Variants in MXD1 observed in about 807,000 individuals in gnomAD.
MXD1 encodes the protein MAX-binding protein.
A neutral mutation model predicts 25.7 loss-of-function variants in MXD1; 9 were observed. The observed-to-expected ratio is 0.35, with a 90% CI of 0.21 to 0.61. MXD1 has a LOEUF of 0.61. MXD1 is among the 20% of genes least tolerant of loss of function. The pLI, the probability that MXD1 is intolerant of heterozygous loss-of-function variation, is 0.75. For missense variants in MXD1, 227 were observed against 292.4 expected (o/e 0.78, Z 1.63); for synonymous variants, 99 against 113.9 (o/e 0.87, Z 0.83).
chr2:69,929,107 G>A (rs1677225801), intron 3 of MXD1, among the ~76,000 whole-genome samples: 1 of 152,274 alleles, frequency 6.6e-6, no homozygotes, highest in South Asian at 2.1e-4. Context: ...TGCCTAGGCT[G>A]GTCTCAAACT....
At chr2:69,926,197 A>C (rs1011023252) in intron 3 of MXD1, among the ~76,000 whole-genome samples, 1 of 152,208 alleles carries the variant, frequency 6.6e-6, no homozygotes. Flanking sequence ...GCTATACAGA[A>C]TCAGTCTTCC....
chr2:69,933,215 A>AC (rs947125865), intron 3 of MXD1, among the ~76,000 whole-genome samples: 6 of 149,864 alleles, frequency 4.0e-5, no homozygotes, highest in Non-Finnish European at 8.9e-5. Flanking sequence ...AAAAAAAAAA[A>AC]AAAAAAAAAC....
At position 69,942,924 on chromosome 2, in the gene MXD1, A is replaced by C. The variant is rs1573415289; in HGVS notation, c.*4640A>C. 1 of 152,284 alleles carries C rather than the reference A, an allele frequency of 6.6e-6. No individual in the cohort carries two copies. Among genetic ancestry groups the C allele is most frequent in the East Asian group, 1.9e-4 (1 of 5,192 alleles). The allele number at this position is 152,284 out of a possible 1,614,324, so 9.4% of individuals were successfully genotyped here. ...ATTGTTCAACTGTTAACAAATAATA[A>C]ATTATTTCATTATTAAAGAAATTTT... On this transcript the variant is annotated 3_prime_UTR_variant, in exon 6 of 6. Transcript: ENST00000264444.
At chr2:69,931,047 T>G (rs1014895526) in intron 3 of MXD1, among the ~76,000 whole-genome samples, 3 of 152,176 alleles carry the variant, frequency 2.0e-5, no homozygotes, top group African/African-American at 7.2e-5. Flanking sequence ...CATTTTTAAT[T>G]TTTGTGGGTA....
rs1677601535 is a variant in MXD1 at position 69,941,610 on chromosome 2, A to G, written c.*3326A>G. ...TTTTTTAAGGTGGGCATTTTCCTTT[A>G]ACCTCTACTTTTTCAAAAGCAACAA... On this transcript the variant is annotated 3_prime_UTR_variant, in exon 6 of 6. Transcript: ENST00000264444. The G allele has an allele frequency of 6.6e-6, 1 of 152,092 alleles. No individual in the cohort carries two copies. Among genetic ancestry groups the G allele is most frequent in the African/African-American group, 2.4e-5 (1 of 41,392 alleles). 9.4% of individuals were successfully genotyped at this position (152,092 alleles called of 1,614,324 possible). A position where few individuals can be genotyped will look rare whatever the true frequency, so the allele number is the denominator to read the frequency against.
At position 69,939,143 on chromosome 2, in the gene MXD1, T is replaced by TCC. The variant is rs553063257; in HGVS notation, c.*859_*860insCC. 6.6e-6 allele frequency: 1 copy of TCC among 150,850 alleles called. No homozygotes were observed. The highest frequency in any genetic ancestry group is 2.5e-5 in the African/African-American group (1 of 40,758). The allele number at this position is 150,850 out of a possible 1,614,324, so 9.3% of individuals were successfully genotyped here. A position where few individuals can be genotyped will look rare whatever the true frequency, so the allele number is the denominator to read the frequency against. ...CACTTAACACAGTGATTATCCTTTT[T>TCC]TCCCCCCCCAAAATAGTGACATTTG... On this transcript the variant is annotated 3_prime_UTR_variant, in exon 6 of 6. Coordinates refer to ENST00000264444, the MANE Select transcript of MXD1 (RefSeq NM_002357.4).
At chr2:69,922,630 A>G (rs1043539168) in intron 3 of MXD1, among the ~76,000 whole-genome samples, 2 of 152,202 alleles carry the variant, frequency 1.3e-5, no homozygotes. Context: ...CTGTAATCCC[A>G]GCACTTTGGG....
chr2:69,919,496 GA>G (rs1215500758), intron 2 of MXD1, among the ~76,000 whole-genome samples: 1 of 150,934 alleles, frequency 6.6e-6, no homozygotes, highest in Non-Finnish European at 1.5e-5. Flanking sequence ...AGGCGTATGT[GA>G]CCATGCCTGG....
chr2:69,917,869 G>A (rs1403391571), intron 2 of MXD1, among the ~76,000 whole-genome samples: 3 of 151,406 alleles, frequency 2.0e-5, no homozygotes, highest in Non-Finnish European at 2.9e-5. Flanking sequence ...CTGTTAATGG[G>A]TTGGTTTGCT....
At chr2:69,924,643 C>T (rs933328991) in intron 3 of MXD1, among the ~76,000 whole-genome samples, 1 of 152,072 alleles carries the variant, frequency 6.6e-6, no homozygotes, top group Non-Finnish European at 1.5e-5. Flanking sequence ...TGCTAATATA[C>T]TTTAGCCATT....
chr2:69,936,846 T>C (rs1341886719), intron 4 of MXD1, among the ~76,000 whole-genome samples: 1 of 152,186 alleles, frequency 6.6e-6, no homozygotes, highest in Non-Finnish European at 1.5e-5. Flanking sequence ...GAAGCGTGTT[T>C]CTTAAGCTCC....
In MXD1 at chr2:69,915,780, G is replaced by A. The variant is rs1446458418; in HGVS notation, c.74-341G>A. The stretch of plus-strand genomic sequence containing the variant: ...AGAGGAGCAGCGCCTCCCGGTCCCC[G>A]GCTCACGGTGCTTGCCCCGCACCTT... On this transcript the variant is annotated intron_variant, in intron 1 of 5. Transcript: ENST00000264444. This position sits in a 1 kb window ranked among gnomAD's most constrained non-coding sequence, Gnocchi z 5.8. Among the ~76,000 whole-genome samples the A allele has an allele frequency of 6.6e-6, 1 of 152,208 alleles. No homozygotes were observed. The highest frequency in any genetic ancestry group is 2.4e-5 in the African/African-American group (1 of 41,462).
At chr2:69,917,111 C>T (rs1443601427) in intron 2 of MXD1, among the ~76,000 whole-genome samples, 1 of 152,232 alleles carries the variant, frequency 6.6e-6, no homozygotes, top group African/African-American at 2.4e-5. Context: ...ATCCCTCCCT[C>T]ACCCTCATGA....
chr2:69,926,047 G>T lies in MXD1; in HGVS notation c.203+4282G>T, dbSNP rs1348591651. 2.0e-5 allele frequency among the ~76,000 whole-genome samples: 3 copies of T among 152,062 alleles called. No homozygotes were observed. The East Asian group carries it at 5.8e-4, about 29-fold the overall frequency. On this transcript the variant is annotated intron_variant, in intron 3 of 5. Coordinates refer to ENST00000264444, the MANE Select transcript of MXD1 (RefSeq NM_002357.4). The stretch of plus-strand genomic sequence containing the variant: ...CTCTGTGTGTCTCTTTGTGTGAATT[G>T]TCTATTAAATAGCCTTTGCCCAATT...
chr2:69,926,404 G>A (rs1677172512), intron 3 of MXD1, among the ~76,000 whole-genome samples: 1 of 149,256 alleles, frequency 6.7e-6, no homozygotes, highest in Admixed American at 6.7e-5. Flanking sequence ...ATTTTAATCT[G>A]TGAATTCCCC....
At position 69,940,074 on chromosome 2, in the gene MXD1, C is replaced by G. The variant is rs1677559764; in HGVS notation, c.*1790C>G. ...AATGATTCCAAAGTCACCTGTAATT[C>G]TTCTGTTTTTGTTTTGTTCTGTCTT... On this transcript the variant is annotated 3_prime_UTR_variant, in exon 6 of 6. Transcript: ENST00000264444. 1 of 113,898 alleles carries G rather than the reference C, an allele frequency of 8.8e-6. No homozygotes were observed. The highest frequency in any genetic ancestry group is 3.5e-5 in the African/African-American group (1 of 28,218). The allele number at this position is 113,898 out of a possible 1,614,324, so 7.1% of individuals were successfully genotyped here. A position where few individuals can be genotyped will look rare whatever the true frequency, so the allele number is the denominator to read the frequency against.
At chr2:69,923,118 A>C (rs1264319047) in intron 3 of MXD1, among the ~76,000 whole-genome samples, 1 of 152,018 alleles carries the variant, frequency 6.6e-6, no homozygotes, top group East Asian at 1.9e-4. Context: ...ACTGAAAAAA[A>C]TTAATGATAA....
At chr2:69,923,054 A>C (rs6738164) in intron 3 of MXD1, among the ~76,000 whole-genome samples, 3,530 of 136,782 alleles carry the variant, frequency 0.026, 133 homozygotes, top group African/African-American at 0.083. Context: ...AAAAAAAAAA[A>C]ACACACAAAA....
chr2:69,916,128 A>G lies in MXD1; in HGVS notation c.81A>G (p.Glu27=). 6.2e-7 allele frequency: 1 copy of G among 1,608,780 alleles called. No homozygotes were observed. Among genetic ancestry groups the G allele is most frequent in the African/African-American group, 1.3e-5 (1 of 74,914 alleles). The change falls in exon 2 of 6, where the codon GAA becomes GAG. Residue 27 remains glutamate, a synonymous_variant. Coordinates refer to ENST00000264444, the MANE Select transcript of MXD1 (RefSeq NM_002357.4). ...GATCCTCCTGTTTTCTAGAAGCTGA[A>G]CATGGTTATGCCTCCATGTTACCAT... is the stretch of plus-strand genomic sequence containing the variant. ...DYLERREREA[E]HGYASMLPYN...
Sources: gnomAD v4.1 joint callset for allele counts (sites outside exome capture counted in the v4.1 genomes callset) on GRCh38, gnomAD v4.1.1 for gene constraint, Gnocchi (gnomAD v3.1) non-coding constraint, MANE v1.5 for transcripts, NCBI Gene and HGNC (gene_info 2026-07-23, HGNC 2026-07-21) for gene names.